PLCB1: variants seen among roughly 807,000 people sequenced by gnomAD.
PLCB1 encodes the protein phospholipase C beta 1.
In PLCB1, 46 loss-of-function variants were observed where a neutral mutation model predicts 161.8. The observed-to-expected ratio is 0.28, with a 90% confidence interval of 0.22 to 0.36. The LOEUF (loss-of-function observed/expected upper bound fraction) is 0.36. Ranked by LOEUF, PLCB1 falls within the 10% of genes least tolerant of loss-of-function variation. PLCB1 has a pLI of 1.00. For missense variants in PLCB1, 1,016 were observed against 1,472.5 expected (o/e 0.69, Z 5.07); for synonymous variants, 517 against 503.7 (o/e 1.03, Z -0.35).
At chr20:8,187,782 A>C (rs2051921500) in intron 2 of PLCB1, among the ~76,000 whole-genome samples, 1 of 152,140 alleles carries the variant, frequency 6.6e-6, no homozygotes, top group Non-Finnish European at 1.5e-5. Context: ...CCCATATAGT[A>C]ATACAGAAAG....
intron 14 of PLCB1, among the ~76,000 whole-genome samples, chr20:8,721,006 A>G (rs928726287): frequency 6.6e-6 from 1 of 152,356 alleles, no homozygotes; most frequent in Non-Finnish European, 1.5e-5. Context: ...AACTAACACA[A>G]TATCAGCATT....
At chr20:8,716,897 A>G (rs748026596) in intron 13 of PLCB1, among the ~76,000 whole-genome samples, 1 of 152,146 alleles carries the variant, frequency 6.6e-6, no homozygotes, top group African/African-American at 2.4e-5. Context: ...CCCAATCTCC[A>G]TGCATTTGTA....
At chr20:8,602,207 A>T (rs1455263829) in intron 3 of PLCB1, among the ~76,000 whole-genome samples, 1 of 152,102 alleles carries the variant, frequency 6.6e-6, no homozygotes, top group Non-Finnish European at 1.5e-5. Context: ...ATATGACACC[A>T]ACACCAAGTT....
intron 3 of PLCB1, among the ~76,000 whole-genome samples, chr20:8,559,985 C>T (rs2123019717): frequency 6.6e-6 from 1 of 152,028 alleles, no homozygotes; most frequent in Admixed American, 6.6e-5. Flanking sequence ...TTGACAAGCC[C>T]TGTGCTAAGT....
chr20:8,747,670 C>A (rs184269009), intron 23 of PLCB1, among the ~76,000 whole-genome samples: 1 of 151,958 alleles, frequency 6.6e-6, no homozygotes, highest in East Asian at 1.9e-4. Context: ...TTCTCGGGAG[C>A]CTGAGGCAGG....
At chr20:8,348,484 T>C in intron 2 of PLCB1, among the ~76,000 whole-genome samples, 1 of 152,186 alleles carries the variant, frequency 6.6e-6, no homozygotes, top group Admixed American at 6.5e-5. Context: ...CTTCCTTCCC[T>C]CTTTGCTGCA....
chr20:8,554,287 T>C (rs1199155514), intron 3 of PLCB1, among the ~76,000 whole-genome samples: 1 of 152,172 alleles, frequency 6.6e-6, no homozygotes, highest in South Asian at 2.1e-4. Flanking sequence ...CATATATCCA[T>C]ATAACAACTT....
chr20:8,677,843 A>T (rs1408405290), intron 9 of PLCB1, among the ~76,000 whole-genome samples: 2 of 152,328 alleles, frequency 1.3e-5, no homozygotes, highest in South Asian at 4.1e-4. Flanking sequence ...AAGAAACTTA[A>T]CATTCATGAA....
chr20:8,412,385 G>C (rs1235129697), intron 3 of PLCB1, among the ~76,000 whole-genome samples: 1 of 152,178 alleles, frequency 6.6e-6, no homozygotes, highest in East Asian at 1.9e-4. Context: ...GGGTTCCAGA[G>C]GGTGGGACTG....
At chr20:8,861,721 T>C in intron 31 of PLCB1, among the ~76,000 whole-genome samples, 1 of 104,348 alleles carries the variant, frequency 9.6e-6, no homozygotes, top group Non-Finnish European at 1.8e-5. Flanking sequence ...AGAGTGAGAC[T>C]CTACCTCAAA....
chr20:8,531,867 T>G (rs763817232), intron 3 of PLCB1, among the ~76,000 whole-genome samples: 2 of 152,128 alleles, frequency 1.3e-5, no homozygotes, highest in Non-Finnish European at 2.9e-5. Context: ...ACTCACAAAT[T>G]TTTTTCAAGC....
chr20:8,807,091 G>A (rs974377400), intron 31 of PLCB1, among the ~76,000 whole-genome samples: 30 of 152,338 alleles, frequency 2.0e-4, no homozygotes, highest in African/African-American at 3.6e-4. Context: ...TCTACCAGCA[G>A]AGGGTTGCGT....
In PLCB1 at chr20:8,842,558, C is replaced by T. The variant is rs144459951; in HGVS notation, c.3424-39064C>T. 2.8e-3 allele frequency among the ~76,000 whole-genome samples: 426 copies of T among 152,246 alleles called. 4 individuals are homozygous for T. Among genetic ancestry groups the T allele is most frequent in the African/African-American group, 9.0e-3 (373 of 41,538 alleles). On this transcript the variant is annotated intron_variant, in intron 31 of 31. Transcript: ENST00000338037. The stretch of plus-strand genomic sequence containing the variant: ...CCGCAGACAAGAACCCCTCAGACAC[C>T]GAGTTGTAGAAGGAAAGGGCTTTAT...
At chr20:8,276,817 G>A (rs188745713) in intron 2 of PLCB1, among the ~76,000 whole-genome samples, 1 of 151,988 alleles carries the variant, frequency 6.6e-6, no homozygotes, top group African/African-American at 2.4e-5. Context: ...ATATACAACA[G>A]CACAACCATA....
chr20:8,347,507 T>G (rs1986035380), intron 2 of PLCB1, among the ~76,000 whole-genome samples: 1 of 152,228 alleles, frequency 6.6e-6, no homozygotes. Context: ...ATTTCATGTG[T>G]GCCTTTCTTT....
chr20:8,754,138 T>G (rs1321701183), intron 23 of PLCB1, among the ~76,000 whole-genome samples: 2 of 152,230 alleles, frequency 1.3e-5, no homozygotes, highest in Admixed American at 6.5e-5. Flanking sequence ...AACATCTATC[T>G]GCTTTTTAAA....
chr20:8,628,221 C>A (rs1988418318), intron 3 of PLCB1, 73 bp from the exon 4 acceptor site: 2 of 1,166,138 alleles, frequency 1.7e-6, no homozygotes, highest in African/African-American at 1.5e-5. Flanking sequence ...TCTAACTCAA[C>A]AGAAGTTGAA....
At chr20:8,356,702 A>G (rs1361829641) in intron 2 of PLCB1, among the ~76,000 whole-genome samples, 1 of 152,174 alleles carries the variant, frequency 6.6e-6, no homozygotes, top group African/African-American at 2.4e-5. Context: ...ACCCACATAG[A>G]GCAAATGTGA....
intron 2 of PLCB1, among the ~76,000 whole-genome samples, chr20:8,193,050 T>C (rs990597636): frequency 7.9e-5 from 12 of 151,990 alleles, no homozygotes; most frequent in African/African-American, 2.7e-4. Flanking sequence ...TTTCTGCCTT[T>C]GCATATGAAA....
Sources: gnomAD v4.1 joint callset for allele counts (sites outside exome capture counted in the v4.1 genomes callset) on GRCh38, gnomAD v4.1.1 for gene constraint, MANE v1.5 for transcripts, NCBI Gene and HGNC (gene_info 2026-07-23, HGNC 2026-07-21) for gene names.